Variants in SLC44A5 observed in about 807,000 individuals in gnomAD.
The protein encoded by SLC44A5 is solute carrier family 44 member 5, also known as choline transporter-like protein 5.
A neutral mutation model predicts 101.8 loss-of-function variants in SLC44A5; 57 were observed. That is an observed-to-expected ratio of 0.56 (90% CI 0.45 to 0.70). The LOEUF (loss-of-function observed/expected upper bound fraction) is 0.70, where lower values mean the gene tolerates loss of function less well. Among genes scored for constraint, SLC44A5 ranks in the 30% least tolerant of loss-of-function variants. SLC44A5 has a pLI of 0.00. For missense variants in SLC44A5, 737 were observed against 853.1 expected, an observed-to-expected ratio of 0.86 and a Z score of 1.70; for synonymous variants, 281 against 290.9, an observed-to-expected ratio of 0.97 and a Z score of 0.35.
At chr1:75,338,239 T>C (rs1657596169) in intron 4 of SLC44A5, among the ~76,000 whole-genome samples, 1 of 152,164 alleles carries the variant, frequency 6.6e-6, no homozygotes, top group African/African-American at 2.4e-5. Flanking sequence ...TTCCTCACAG[T>C]GATTATCACA....
chr1:75,397,115 C>G (rs190168123), intron 2 of SLC44A5, among the ~76,000 whole-genome samples: 3 of 152,160 alleles, frequency 2.0e-5, no homozygotes, highest in Admixed American at 6.6e-5. Flanking sequence ...GCAGTCCCAC[C>G]TTAATCACAC....
intron 18 of SLC44A5, among the ~76,000 whole-genome samples, chr1:75,216,413 C>T (rs565136485): frequency 6.6e-6 from 1 of 151,956 alleles, no homozygotes; most frequent in Admixed American, 6.6e-5. Context: ...CAGTGATGTG[C>T]AAGTATCTGT....
At chr1:75,653,200 A>T in the SLC44A5 span, among the ~76,000 whole-genome samples, 10,376 of 152,176 alleles carry the variant, frequency 0.068, 605 homozygotes, top group East Asian at 0.25. Context: ...CTCACTCAAA[A>T]ATGAAAAACA....
intron 1 of SLC44A5, among the ~76,000 whole-genome samples, chr1:75,591,021 C>G (rs1674322519): frequency 6.6e-6 from 1 of 152,162 alleles, no homozygotes; most frequent in Non-Finnish European, 1.5e-5. Context: ...TCAGGACTCA[C>G]TCAGAGCAGT....
chr1:75,361,892 A>G (rs1659511484), intron 3 of SLC44A5, among the ~76,000 whole-genome samples: 1 of 152,020 alleles, frequency 6.6e-6, no homozygotes, highest in African/African-American at 2.4e-5. Flanking sequence ...ATTCACTTCA[A>G]TTTTTTGAAA....
chr1:75,283,132 A>T (rs1652750259), intron 5 of SLC44A5, among the ~76,000 whole-genome samples: 1 of 151,260 alleles, frequency 6.6e-6, no homozygotes, highest in Admixed American at 6.6e-5. Flanking sequence ...AGCAGTGTAA[A>T]ATATTCCCTT....
chr1:75,711,202 C>A, the SLC44A5 span, among the ~76,000 whole-genome samples: 1 of 152,256 alleles, frequency 6.6e-6, no homozygotes, highest in East Asian at 1.9e-4. Flanking sequence ...AGGCCTTGAC[C>A]CAAACAGCCA....
intron 2 of SLC44A5, among the ~76,000 whole-genome samples, chr1:75,470,882 T>G (rs542130033): frequency 5.3e-5 from 8 of 152,288 alleles, no homozygotes; most frequent in African/African-American, 1.7e-4. Context: ...GAACAATGGA[T>G]AGCTACCAGA....
chr1:75,216,463 T>C (rs1214858964), intron 18 of SLC44A5, among the ~76,000 whole-genome samples: 2 of 151,892 alleles, frequency 1.3e-5, no homozygotes, highest in Non-Finnish European at 2.9e-5. Context: ...TATATCTAGA[T>C]ATAGGATTTC....
intron 3 of SLC44A5, among the ~76,000 whole-genome samples, chr1:75,376,075 C>T (rs574671204): frequency 0.011 from 1,695 of 152,286 alleles, 30 homozygotes; most frequent in African/African-American, 0.038. Flanking sequence ...AAAGGGGTGA[C>T]GGACGCACCT....
intron 9 of SLC44A5, among the ~76,000 whole-genome samples, 186 bp downstream of exon 9, chr1:75,241,815 A>C (rs1453446179): frequency 1.3e-5 from 2 of 152,098 alleles, no homozygotes; most frequent in Non-Finnish European, 2.9e-5. Context: ...AGTTCCAGTG[A>C]AAATGTACCT....
intron 12 of SLC44A5, among the ~76,000 whole-genome samples, chr1:75,229,183 T>A (rs1291877521): frequency 6.6e-6 from 1 of 152,076 alleles, no homozygotes; most frequent in Non-Finnish European, 1.5e-5. Flanking sequence ...TTCTCTCATT[T>A]GGCATATAAA....
chr1:75,427,185 T>A (rs1664362954), intron 2 of SLC44A5, among the ~76,000 whole-genome samples: 1 of 152,196 alleles, frequency 6.6e-6, no homozygotes, highest in Non-Finnish European at 1.5e-5. Flanking sequence ...CACAGCGAGA[T>A]TCTCTCAGCT....
At chr1:75,254,045 T>G (rs972573868) in intron 6 of SLC44A5, among the ~76,000 whole-genome samples, 15 of 148,314 alleles carry the variant, frequency 1.0e-4, no homozygotes, top group Non-Finnish European at 2.1e-4. Context: ...GACCACAACT[T>G]TTTTTTTTTT....
At position 75,203,617 on chromosome 1, in the gene SLC44A5, G is replaced by T; in HGVS notation, c.*110C>A. On this transcript the variant is annotated 3_prime_UTR_variant, in exon 24 of 24. Transcript: ENST00000370859. ...AAACATGCAAATGCAAGCCAACAAG[G>T]TCGTGAATACAGTGTTGCTAAACAC... The T allele has an allele frequency of 1.5e-6, 2 of 1,311,900 alleles. No individual in the cohort carries two copies. Among genetic ancestry groups the T allele is most frequent in the Non-Finnish European group, 2.0e-6 (2 of 984,492 alleles). 81.3% of individuals were successfully genotyped at this position (1,311,900 alleles called of 1,614,324 possible).
the SLC44A5 span, among the ~76,000 whole-genome samples, chr1:75,617,116 G>A: frequency 1.1e-3 from 162 of 152,254 alleles, no homozygotes; most frequent in Non-Finnish European, 1.9e-3. Context: ...CGCTTAAAGG[G>A]TAGGGTAGGG....
At chr1:75,286,011 C>T (rs573495741) in intron 5 of SLC44A5, among the ~76,000 whole-genome samples, 107 of 152,054 alleles carry the variant, frequency 7.0e-4, no homozygotes, top group Non-Finnish European at 1.1e-3. Context: ...TAGTTTAAGT[C>T]CATTGTTGCT....
intron 3 of SLC44A5, among the ~76,000 whole-genome samples, chr1:75,383,333 C>T (rs778776312): frequency 0.026 from 3,612 of 139,158 alleles, 82 homozygotes; most frequent in Non-Finnish European, 0.039. Flanking sequence ...ATATGCTGAA[C>T]GCTGGTTCCC....
intron 1 of SLC44A5, among the ~76,000 whole-genome samples, chr1:75,556,935 T>C (rs1034726607): frequency 6.6e-6 from 1 of 151,958 alleles, no homozygotes; most frequent in African/African-American, 2.4e-5. Context: ...ACACAATATA[T>C]ATGAAAAAGT....
Sources: gnomAD v4.1 joint callset for allele counts (sites outside exome capture counted in the v4.1 genomes callset) on GRCh38, gnomAD v4.1.1 for gene constraint, MANE v1.5 for transcripts, NCBI Gene and HGNC (gene_info 2026-07-23, HGNC 2026-07-21) for gene names.